WASF3: variants seen among roughly 807,000 people sequenced by gnomAD.
The protein encoded by WASF3 is actin-binding protein WASF3.
A neutral mutation model predicts 46.6 loss-of-function variants in WASF3; 11 were observed. The ratio of observed to expected loss-of-function variants is 0.24; its 90% CI spans 0.15 to 0.39. The LOEUF is 0.39. WASF3 is among the 10% of genes least tolerant of loss of function. The pLI, the probability that WASF3 is intolerant of heterozygous loss-of-function variation, is 1.00. For missense variants in WASF3, 576 were observed against 669.8 expected, an observed-to-expected ratio of 0.86 and a Z score of 1.55; for synonymous variants, 242 against 259.7, an observed-to-expected ratio of 0.93 and a Z score of 0.65.
intron 5 of WASF3, among the ~76,000 whole-genome samples, chr13:26,668,471 C>T (rs1448002439): frequency 1.3e-5 from 2 of 152,208 alleles, no homozygotes; most frequent in Non-Finnish European, 2.9e-5. Flanking sequence ...CCTCACAGCC[C>T]CGGGCCAGCT....
chr13:26,605,171 C>T (rs1880755915), intron 1 of WASF3, among the ~76,000 whole-genome samples: 1 of 152,162 alleles, frequency 6.6e-6, no homozygotes, highest in Admixed American at 6.5e-5. Context: ...TAATGATGCC[C>T]TTGGTACCAG....
chr13:26,669,812 C>G (rs912180765), intron 5 of WASF3, among the ~76,000 whole-genome samples: 4 of 151,486 alleles, frequency 2.6e-5, no homozygotes, highest in African/African-American at 9.7e-5. Flanking sequence ...CCATGCCCAG[C>G]CTAAGTGACG....
At chr13:26,571,121 A>G (rs1373452307) in intron 1 of WASF3, among the ~76,000 whole-genome samples, 1 of 152,064 alleles carries the variant, frequency 6.6e-6, no homozygotes, top group Non-Finnish European at 1.5e-5. Flanking sequence ...CCTTTTTTCT[A>G]TAGAATTTTT....
intron 1 of WASF3, among the ~76,000 whole-genome samples, chr13:26,601,176 T>C (rs947814037): frequency 6.6e-6 from 1 of 152,036 alleles, no homozygotes; most frequent in Non-Finnish European, 1.5e-5. Context: ...TTAATCTCTG[T>C]GTATTTGGTA....
At chr13:26,559,188 A>C (rs75238315) in intron 1 of WASF3, among the ~76,000 whole-genome samples, 8,766 of 152,262 alleles carry the variant, frequency 0.058, 285 homozygotes, top group South Asian at 0.1. Context: ...TAATGACTTC[A>C]GTGTAGTACT....
intron 2 of WASF3, among the ~76,000 whole-genome samples, chr13:26,625,277 G>A (rs1184991208): frequency 1.3e-5 from 2 of 152,116 alleles, no homozygotes; most frequent in African/African-American, 4.8e-5. Context: ...GATTTATGAG[G>A]AGATTTATTA....
intron 1 of WASF3, among the ~76,000 whole-genome samples, chr13:26,565,103 C>T (rs1017287224): frequency 6.7e-6 from 1 of 149,770 alleles, no homozygotes; most frequent in Non-Finnish European, 1.5e-5. Flanking sequence ...CGGCTTGAAA[C>T]CGGGAGGTGG....
chr13:26,611,726 G>C (rs1184714871), intron 1 of WASF3, among the ~76,000 whole-genome samples: 1 of 152,158 alleles, frequency 6.6e-6, no homozygotes, highest in African/African-American at 2.4e-5. Flanking sequence ...TCAGCATCAA[G>C]AGCATGCAGT....
intron 2 of WASF3, among the ~76,000 whole-genome samples, chr13:26,628,061 T>A (rs1372284468): frequency 1.4e-5 from 1 of 68,970 alleles, no homozygotes; most frequent in Non-Finnish European, 2.8e-5. Flanking sequence ...CATGGAAATG[T>A]GTTTCAGGCC....
At position 26,665,088 on chromosome 13, in the gene WASF3, G is replaced by A. The variant is rs781737859; in HGVS notation, c.194G>A (p.Arg65Lys). 1 of 1,614,178 alleles carries A rather than the reference G, an allele frequency of 6.2e-7. No individual in the cohort carries two copies. Among genetic ancestry groups the A allele is most frequent in the Non-Finnish European group, 8.5e-7 (1 of 1,180,014 alleles). Residue 65 changes from arginine to lysine, a missense_variant, in exon 4 of 10, where the codon AGA becomes AAA. Around this residue, in one of 3 missense-constraint regions of WASF3, gnomAD observed 213 missense variants for 278.0 expected, o/e 0.77. Coordinates refer to ENST00000335327, the MANE Select transcript of WASF3 (RefSeq NM_006646.6). ...AATGAGGCTAACAACTTCTACATCA[G>A]AGCAAATTCTCTTCAAGACAGAATT... Reference protein sequence around the residue: ...LFNEANNFYIRANSLQDRIDR... With the variant: ...LFNEANNFYIKANSLQDRIDR...
intron 2 of WASF3, among the ~76,000 whole-genome samples, chr13:26,635,851 A>G (rs535917619): frequency 2.0e-5 from 3 of 152,326 alleles, no homozygotes; most frequent in Non-Finnish European, 2.9e-5. Flanking sequence ...GCAGAACAGC[A>G]AGTATTGCTG....
chr13:26,674,734 A>C (rs1274120099), intron 6 of WASF3, among the ~76,000 whole-genome samples: 1 of 152,214 alleles, frequency 6.6e-6, no homozygotes, highest in Non-Finnish European at 1.5e-5. Flanking sequence ...TTATCCCTCT[A>C]CTTAGGTGCA....
intron 3 of WASF3, among the ~76,000 whole-genome samples, chr13:26,647,541 A>G (rs889260967): frequency 6.6e-6 from 1 of 152,202 alleles, no homozygotes; most frequent in Non-Finnish European, 1.5e-5. Flanking sequence ...TCTTGTAATC[A>G]GATTCCTACT....
intron 2 of WASF3, chr13:26,641,087 C>G (rs576004612): frequency 2.6e-5 from 4 of 152,166 alleles, no homozygotes; most frequent in Non-Finnish European, 5.9e-5. Context: ...AGTACATTTC[C>G]TCCCCTACCT....
intron 2 of WASF3, chr13:26,620,569 G>T (rs963969205): frequency 6.6e-5 from 10 of 152,134 alleles, no homozygotes; most frequent in African/African-American, 2.4e-4. Context: ...CCTTTACCCT[G>T]TCCATGGCTA....
At chr13:26,581,162 G>C (rs1879969186) in intron 1 of WASF3, among the ~76,000 whole-genome samples, 1 of 151,864 alleles carries the variant, frequency 6.6e-6, no homozygotes, top group Admixed American at 6.6e-5. Flanking sequence ...GAACTCTTGA[G>C]CTCAAGTGAT....
At chr13:26,629,787 A>C (rs1881595713) in intron 2 of WASF3, among the ~76,000 whole-genome samples, 1 of 152,138 alleles carries the variant, frequency 6.6e-6, no homozygotes, top group African/African-American at 2.4e-5. Context: ...GTTTGAATTA[A>C]TAACTTGACT....
intron 1 of WASF3, among the ~76,000 whole-genome samples, chr13:26,583,455 G>C (rs1880041841): frequency 6.6e-6 from 1 of 152,198 alleles, no homozygotes; most frequent in Non-Finnish European, 1.5e-5. Flanking sequence ...TAAAGATGCA[G>C]AGTAGTTCAT....
chr13:26,565,178 T>G, intron 1 of WASF3, among the ~76,000 whole-genome samples: 1 of 66,842 alleles, frequency 1.5e-5, no homozygotes, highest in South Asian at 6.6e-4. Context: ...AGACTCGGTC[T>G]CAGAAAGAAA....
Sources: allele counts gnomAD v4.1 joint callset (sites outside exome capture counted in the v4.1 genomes callset), GRCh38; gene constraint gnomAD v4.1.1; regional missense constraint gnomAD v4.1.1; transcripts MANE v1.5; gene names NCBI Gene and HGNC (gene_info 2026-07-23, HGNC 2026-07-21).